FAM107B: variants seen among roughly 807,000 people sequenced by gnomAD.
The protein encoded by FAM107B is family with sequence similarity 107 member B, also known as protein FAM107B.
In FAM107B, 21 loss-of-function variants were observed where a neutral mutation model predicts 31.5. The observed-to-expected ratio is 0.67, with a 90% CI of 0.47 to 0.96. The LOEUF (loss-of-function observed/expected upper bound fraction) is 0.96, where lower values mean the gene tolerates loss of function less well. Ranked by LOEUF, FAM107B falls within the 40% of genes least tolerant of loss-of-function variation. FAM107B has a pLI of 0.00. For missense variants in FAM107B, 452 were observed against 377.1 expected, an observed-to-expected ratio of 1.20 and a Z score of -1.64; for synonymous variants, 157 against 141.5, an observed-to-expected ratio of 1.11 and a Z score of -0.78.
Position 14,774,883 on chromosome 10 carries a change from C to T in FAM107B, c.-220G>A, listed in dbSNP as rs552244278. The T allele has an allele frequency of 3.5e-5, 20 of 565,924 alleles. No homozygotes were observed. In the East Asian group the frequency reaches 5.4e-4, roughly 15 times the overall value. The allele number at this position is 565,924 out of a possible 1,614,324, so 35.1% of individuals were successfully genotyped here. A position where few individuals can be genotyped will look rare whatever the true frequency, so the allele number is the denominator to read the frequency against. On this transcript the variant is annotated 5_prime_UTR_variant, in exon 1 of 5. Transcript: ENST00000181796. ...AAAGTGTCCATCCTGGGCAATTTCGCGCTCTTCCTTCTGTGATGCTGTCAG... is the reference window on the plus strand; with the variant it reads ...AAAGTGTCCATCCTGGGCAATTTCGTGCTCTTCCTTCTGTGATGCTGTCAG...
intron 2 of FAM107B, among the ~76,000 whole-genome samples, chr10:14,564,569 T>C (rs1012201386): frequency 7.2e-5 from 11 of 151,990 alleles, no homozygotes; most frequent in African/African-American, 2.7e-4. Flanking sequence ...GGCAAACTGA[T>C]TCAGATGACA....
chr10:14,594,501 CAAA>C (rs371126997), intron 2 of FAM107B, among the ~76,000 whole-genome samples: 1 of 80,160 alleles, frequency 1.2e-5, no homozygotes, highest in Non-Finnish European at 2.3e-5. Flanking sequence ...AAGACCCTGC[CAAA>C]AAAAAAAAAA....
chr10:14,595,966 C>CCTGCA (rs1468152266), intron 2 of FAM107B, among the ~76,000 whole-genome samples: 21 of 152,214 alleles, frequency 1.4e-4, no homozygotes, highest in African/African-American at 3.9e-4. Flanking sequence ...AGGTCCATCT[C>CCTGCA]CTGCACGCCC....
intron 2 of FAM107B, among the ~76,000 whole-genome samples, chr10:14,628,995 A>G (rs78293239): frequency 0.035 from 5,292 of 151,506 alleles, 264 homozygotes; most frequent in African/African-American, 0.11. Flanking sequence ...ATTTACATAA[A>G]TGCTTATAAA....
intron 2 of FAM107B, among the ~76,000 whole-genome samples, chr10:14,574,299 G>A (rs180704644): frequency 7.0e-4 from 107 of 152,242 alleles, no homozygotes; most frequent in Non-Finnish European, 3.5e-4. Flanking sequence ...ATGTATGCAC[G>A]GTGGATATAA....
intron 1 of FAM107B, among the ~76,000 whole-genome samples, chr10:14,682,840 T>C (rs11259270): frequency 0.035 from 5,387 of 151,826 alleles, 327 homozygotes; most frequent in African/African-American, 0.12. Flanking sequence ...TGTATACCTA[T>C]GTAACAAAAC....
At chr10:14,552,970 CTT>C (rs1336086538) in intron 2 of FAM107B, among the ~76,000 whole-genome samples, 2 of 152,230 alleles carry the variant, frequency 1.3e-5, no homozygotes, top group Non-Finnish European at 2.9e-5. Flanking sequence ...TGGCAGCTCT[CTT>C]GAGACTAGCG....
intron 2 of FAM107B, among the ~76,000 whole-genome samples, chr10:14,657,819 T>C (rs1181838587): frequency 2.0e-5 from 3 of 147,918 alleles, no homozygotes; most frequent in Admixed American, 7.1e-5. Flanking sequence ...CTTTTTTTTT[T>C]CCTTTTTTTT....
intron 1 of FAM107B, among the ~76,000 whole-genome samples, chr10:14,707,236 A>C (rs1393710211): frequency 1.3e-5 from 2 of 152,204 alleles, no homozygotes; most frequent in Non-Finnish European, 2.9e-5. Context: ...CCCCAACAAA[A>C]GAAAATTGTG....
At chr10:14,764,214 A>T (rs1163816884) in intron 1 of FAM107B, among the ~76,000 whole-genome samples, 1 of 152,254 alleles carries the variant, frequency 6.6e-6, no homozygotes, top group African/African-American at 2.4e-5. Context: ...TCATTTGCAA[A>T]TAGCCCTGCA....
intron 2 of FAM107B, among the ~76,000 whole-genome samples, chr10:14,607,083 CAG>C (rs1852612676): frequency 6.6e-6 from 1 of 152,178 alleles, no homozygotes; most frequent in African/African-American, 2.4e-5. Flanking sequence ...AGGCCACAGG[CAG>C]AGTGTGTGAA....
intron 2 of FAM107B, among the ~76,000 whole-genome samples, chr10:14,596,492 T>C (rs1385186617): frequency 6.6e-6 from 1 of 152,160 alleles, no homozygotes; most frequent in South Asian, 2.1e-4. Context: ...AGAAATGTCA[T>C]AAAGAACTTG....
intron 2 of FAM107B, among the ~76,000 whole-genome samples, chr10:14,552,483 T>A (rs376053287): frequency 1.5e-5 from 2 of 132,958 alleles, no homozygotes; most frequent in Admixed American, 1.5e-4. Context: ...AAAAAAAAAA[T>A]GAAGTCAACG....
chr10:14,705,941 G>A (rs560988342), intron 1 of FAM107B, among the ~76,000 whole-genome samples: 3 of 152,208 alleles, frequency 2.0e-5, no homozygotes, highest in Admixed American at 6.5e-5. Flanking sequence ...CAACCGGCAG[G>A]GCAAATTTCT....
chr10:14,681,015 G>T (rs1433653263), intron 1 of FAM107B, among the ~76,000 whole-genome samples: 1 of 152,234 alleles, frequency 6.6e-6, no homozygotes, highest in Non-Finnish European at 1.5e-5. Flanking sequence ...GGATCAGGGA[G>T]ACTCTGGGGT....
At chr10:14,746,409 T>C (rs985785820) in intron 1 of FAM107B, among the ~76,000 whole-genome samples, 1 of 152,178 alleles carries the variant, frequency 6.6e-6, no homozygotes, top group Non-Finnish European at 1.5e-5. Context: ...TGTATTTCAG[T>C]GAGTTTTTGC....
intron 2 of FAM107B, among the ~76,000 whole-genome samples, chr10:14,662,569 G>A (rs1367685442): frequency 6.6e-6 from 1 of 151,864 alleles, no homozygotes; most frequent in Non-Finnish European, 1.5e-5. Flanking sequence ...GTAGAGACTG[G>A]GTCTCACCAT....
chr10:14,694,246 G>C (rs1057459180), intron 1 of FAM107B, among the ~76,000 whole-genome samples: 1 of 152,234 alleles, frequency 6.6e-6, no homozygotes, highest in African/African-American at 2.4e-5. Context: ...CAGAGGGATT[G>C]CTAGGGCATA....
At chr10:14,686,820 G>A (rs1182193921) in intron 1 of FAM107B, among the ~76,000 whole-genome samples, 5 of 152,218 alleles carry the variant, frequency 3.3e-5, no homozygotes, top group Non-Finnish European at 5.9e-5. Flanking sequence ...TTAACAAATT[G>A]AAGAGAGAGG....
Sources: allele counts gnomAD v4.1 joint callset (sites outside exome capture counted in the v4.1 genomes callset), GRCh38; gene constraint gnomAD v4.1.1; transcripts MANE v1.5; gene names NCBI Gene and HGNC (gene_info 2026-07-23, HGNC 2026-07-21).